MTUS2: variants seen among roughly 807,000 people sequenced by gnomAD.
MTUS2 encodes the protein microtubule-associated tumor suppressor candidate 2.
Under a neutral mutation model 114.1 loss-of-function variants are expected in MTUS2, and 40 were observed. The ratio of observed to expected loss-of-function variants is 0.35; its 90% CI spans 0.27 to 0.46. The LOEUF (loss-of-function observed/expected upper bound fraction) is 0.46. Ranked by LOEUF, MTUS2 falls within the 20% of genes least tolerant of loss-of-function variation. The pLI, the probability that MTUS2 is intolerant of heterozygous loss-of-function variation, is 1.00. For synonymous variants in MTUS2, 688 were observed against 672.0 expected (o/e 1.02, Z -0.37); for missense variants, 1,679 against 1,705.4 (o/e 0.98, Z 0.27).
chr13:28,863,327 C>A (rs1877104926), intron 2 of MTUS2, among the ~76,000 whole-genome samples: 1 of 152,214 alleles, frequency 6.6e-6, no homozygotes, highest in African/African-American at 2.4e-5. Context: ...TTTTCTGTTT[C>A]AAACCTTTCA....
intron 1 of MTUS2, among the ~76,000 whole-genome samples, chr13:28,834,257 C>T (rs1446744865): frequency 6.6e-6 from 1 of 152,092 alleles, no homozygotes; most frequent in Non-Finnish European, 1.5e-5. Context: ...GAAGGAAGCA[C>T]AAGTTCTAAT....
At chr13:28,947,757 T>G (rs1306829519) in intron 2 of MTUS2, among the ~76,000 whole-genome samples, 1 of 152,206 alleles carries the variant, frequency 6.6e-6, no homozygotes, top group Non-Finnish European at 1.5e-5. Flanking sequence ...AAAATATAAG[T>G]CATTTTTTAG....
intron 5 of MTUS2, among the ~76,000 whole-genome samples, chr13:29,212,322 A>T (rs1296709733): frequency 6.6e-6 from 1 of 151,932 alleles, no homozygotes. Flanking sequence ...TGGATGATTA[A>T]AAAAAAACCC....
At chr13:29,068,977 G>T (rs933091673) in intron 4 of MTUS2, among the ~76,000 whole-genome samples, 1 of 152,100 alleles carries the variant, frequency 6.6e-6, no homozygotes, top group African/African-American at 2.4e-5. Context: ...AGTGGAGTAG[G>T]GTAGGGTAGG....
chr13:29,198,730 C>T (rs1894809230), intron 5 of MTUS2, among the ~76,000 whole-genome samples: 1 of 152,028 alleles, frequency 6.6e-6, no homozygotes. Context: ...TTGTTTGTGT[C>T]CTCTCATTTC....
chr13:29,138,622 A>G (rs923209717), intron 5 of MTUS2, among the ~76,000 whole-genome samples: 1 of 151,612 alleles, frequency 6.6e-6, no homozygotes, highest in Non-Finnish European at 1.5e-5. Flanking sequence ...TCTTTTGGAG[A>G]TGACAAAAAT....
intron 8 of MTUS2, among the ~76,000 whole-genome samples, chr13:29,396,850 T>C (rs1018662613): frequency 6.6e-6 from 1 of 152,224 alleles, no homozygotes; most frequent in African/African-American, 2.4e-5. Context: ...CCAGTTAGGA[T>C]ACTTGAGGCC....
At chr13:29,047,110 T>G (rs889424409) in intron 4 of MTUS2, among the ~76,000 whole-genome samples, 2 of 152,224 alleles carry the variant, frequency 1.3e-5, no homozygotes, top group African/African-American at 4.8e-5. Context: ...TGTTTGAGTG[T>G]TCAATTTCCT....
intron 6 of MTUS2, among the ~76,000 whole-genome samples, chr13:29,286,516 G>A (rs1898487570): frequency 6.6e-6 from 1 of 152,054 alleles, no homozygotes; most frequent in Admixed American, 6.5e-5. Context: ...TGTTTTCATG[G>A]AAGTGAAGTT....
At chr13:28,890,519 C>A (rs551709898) in intron 2 of MTUS2, among the ~76,000 whole-genome samples, 1 of 151,966 alleles carries the variant, frequency 6.6e-6, no homozygotes, top group Admixed American at 6.6e-5. Flanking sequence ...TGTCTCCTAG[C>A]GTTTTTATGA....
chr13:29,243,723 C>A (rs760512162), intron 5 of MTUS2, among the ~76,000 whole-genome samples: 1 of 152,064 alleles, frequency 6.6e-6, no homozygotes, highest in Admixed American at 6.5e-5. Context: ...AGTTCTCAAC[C>A]CTGGCTATAT....
chr13:29,214,352 A>C (rs144723172), intron 5 of MTUS2, among the ~76,000 whole-genome samples: 11 of 152,204 alleles, frequency 7.2e-5, no homozygotes, highest in African/African-American at 2.6e-4. Flanking sequence ...GCATTTAGCC[A>C]GTTTACATTT....
At chr13:29,054,973 G>A (rs1007761205) in intron 4 of MTUS2, among the ~76,000 whole-genome samples, 1 of 151,864 alleles carries the variant, frequency 6.6e-6, no homozygotes, top group South Asian at 2.1e-4. Context: ...AGCTTATTGT[G>A]GCTTCTATTT....
intron 2 of MTUS2, among the ~76,000 whole-genome samples, chr13:28,885,001 A>C (rs1878508988): frequency 6.6e-6 from 1 of 151,944 alleles, no homozygotes; most frequent in Admixed American, 6.6e-5. Context: ...GCACCTTTTA[A>C]GTTTTTTTTA....
chr13:28,882,472 C>T (rs1424890405), intron 2 of MTUS2, among the ~76,000 whole-genome samples: 1 of 152,108 alleles, frequency 6.6e-6, no homozygotes, highest in Non-Finnish European at 1.5e-5. Context: ...TGCAATGGCT[C>T]ACACCTGTAA....
At chr13:29,443,724 T>C (rs1371814140) in intron 9 of MTUS2, among the ~76,000 whole-genome samples, 3 of 152,216 alleles carry the variant, frequency 2.0e-5, no homozygotes, top group African/African-American at 7.2e-5. Flanking sequence ...TGTATTCTCT[T>C]GATGGGAGAA....
intron 2 of MTUS2, among the ~76,000 whole-genome samples, chr13:28,907,582 A>T (rs1880117126): frequency 6.6e-6 from 1 of 151,486 alleles, no homozygotes; most frequent in Non-Finnish European, 1.5e-5. Flanking sequence ...TGGAAAACAA[A>T]AAAAGGCAGG....
intron 2 of MTUS2, among the ~76,000 whole-genome samples, chr13:28,994,235 G>C (rs994353272): frequency 9.0e-5 from 11 of 122,124 alleles, no homozygotes; most frequent in Non-Finnish European, 1.6e-4. Flanking sequence ...ATGAACTCAT[G>C]TTTTTTTATG....
At chr13:29,375,603 A>AT (rs1871624476) in intron 8 of MTUS2, among the ~76,000 whole-genome samples, 1 of 4,390 alleles carries the variant, frequency 2.3e-4, no homozygotes, top group Non-Finnish European at 6.7e-4. Context: ...ATATATATAT[A>AT]TATACGTATA....
Sources: allele counts gnomAD v4.1 joint callset (sites outside exome capture counted in the v4.1 genomes callset), GRCh38; gene constraint gnomAD v4.1.1; transcripts MANE v1.5; gene names NCBI Gene and HGNC (gene_info 2026-07-23, HGNC 2026-07-21).